ZNF624: variants seen among roughly 807,000 people sequenced by gnomAD.
ZNF624 encodes the protein zinc finger protein 624.
Under a neutral mutation model 74.7 loss-of-function variants are expected in ZNF624, and 43 were observed. That is an observed-to-expected ratio of 0.58 (90% CI 0.45 to 0.74). ZNF624 has a LOEUF of 0.74. Ranked by LOEUF, ZNF624 falls within the 30% of genes least tolerant of loss-of-function variation. The pLI, the probability that ZNF624 is intolerant of heterozygous loss-of-function variation, is 0.00. For synonymous variants in ZNF624, 331 were observed against 341.3 expected (o/e 0.97, Z 0.33); for missense variants, 820 against 1,030.0 (o/e 0.80, Z 2.79).
chr17:16,650,515 A>C (rs1909699606), intron 1 of ZNF624, among the ~76,000 whole-genome samples: 1 of 152,110 alleles, frequency 6.6e-6, no homozygotes, highest in South Asian at 2.1e-4. Flanking sequence ...ATACCTAATA[A>C]AAGTTTTATC....
At chr17:16,616,840 G>A (rs1189401399), downstream of ZNF624, 3 of 1,155,818 alleles carry the variant, frequency 2.6e-6, no homozygotes, top group African/African-American at 3.1e-5. Context: ...CAACAAGAGA[G>A]TTCTGAGTTA....
At chr17:16,624,621 T>C (rs1003781777) in intron 5 of ZNF624, 112 bp from the exon 6 acceptor site, 21 of 1,021,406 alleles carry the variant, frequency 2.1e-5, no homozygotes, top group Non-Finnish European at 1.5e-5. Flanking sequence ...TGGTTTTAAT[T>C]GCTTTCACAC....
At chr17:16,617,112 G>A (rs1199474835), downstream of ZNF624, 8 of 1,612,914 alleles carry the variant, frequency 5.0e-6, no homozygotes, top group African/African-American at 1.3e-5. Flanking sequence ...AATGTGAATG[G>A]GAGCCCCGAT....
At chr17:16,631,787 A>G (rs896645072) in intron 5 of ZNF624, 1 of 152,228 alleles carries the variant, frequency 6.6e-6, no homozygotes, top group Non-Finnish European at 1.5e-5. Context: ...CAAAATAAAG[A>G]AAACACAAAA....
chr17:16,623,967 T>C lies in ZNF624; in HGVS notation c.919A>G (p.Asn307Asp). The C allele has an allele frequency of 1.2e-6, 2 of 1,613,996 alleles. No individual in the cohort carries two copies. Among genetic ancestry groups the C allele is most frequent in the Non-Finnish European group, 1.7e-6 (2 of 1,180,012 alleles). The change falls in exon 6 of 6, where the codon AAT becomes GAT. Residue 307 changes from asparagine (N) to aspartate (D), a missense_variant. Coordinates refer to ENST00000311331, the MANE Select transcript of ZNF624 (RefSeq NM_020787.4). The surrounding 1 kb of genome is among the most constrained non-coding windows in gnomAD (Gnocchi z 5.3). ...THTKEKPYEC[N>D]ECGKTFSQPS... is the part of the protein sequence containing the mutation. ...TGGCTGAATGTTTTCCCACATTCAT[T>C]ACATTCATAAGGTTTTTCTTTAGTA...
chr17:16,617,388 T>A (rs1276627206), downstream of ZNF624: 1 of 1,613,346 alleles, frequency 6.2e-7, no homozygotes, highest in Non-Finnish European at 8.5e-7. Flanking sequence ...TGCCATCCAG[T>A]TTGTCCAAAG....
chr17:16,616,037 C>G (rs1255682767), downstream of ZNF624, among the ~76,000 whole-genome samples: 1 of 140,356 alleles, frequency 7.1e-6, no homozygotes, highest in African/African-American at 2.6e-5. Context: ...TGGCAACAAT[C>G]AGAAAATGAA....
intron 3 of ZNF624, among the ~76,000 whole-genome samples, chr17:16,636,543 C>A (rs959377046): frequency 6.6e-6 from 1 of 152,140 alleles, no homozygotes; most frequent in African/African-American, 2.4e-5. Context: ...TTTTAAAAAT[C>A]AAAAATCTCA....
At chr17:16,617,720 C>T, downstream of ZNF624, 1 of 1,604,306 alleles carries the variant, frequency 6.2e-7, no homozygotes, top group Non-Finnish European at 8.5e-7. Context: ...CGCTGTTCAG[C>T]TCGTAAAGGG....
At chr17:16,640,830 A>C (rs1002577826) in intron 3 of ZNF624, among the ~76,000 whole-genome samples, 2 of 152,208 alleles carry the variant, frequency 1.3e-5, no homozygotes, top group Non-Finnish European at 2.9e-5. Flanking sequence ...TCTTCCAAAA[A>C]ATGGAAGGGA....
chr17:16,617,701 A>C (rs1274353011), downstream of ZNF624: 1 of 1,604,876 alleles, frequency 6.2e-7, no homozygotes, highest in Non-Finnish European at 8.5e-7. Context: ...CGCTCGCCGC[A>C]GAGCTCCTCG....
intron 5 of ZNF624, among the ~76,000 whole-genome samples, chr17:16,628,057 C>T (rs1049272900): frequency 1.3e-5 from 2 of 152,036 alleles, no homozygotes; most frequent in Non-Finnish European, 2.9e-5. Context: ...GCCAGGAGTT[C>T]GAGACCAGAC....
At chr17:16,632,145 A>AT (rs1206161158) in intron 5 of ZNF624, among the ~76,000 whole-genome samples, 2 of 152,194 alleles carry the variant, frequency 1.3e-5, no homozygotes, top group East Asian at 1.9e-4. Context: ...GGCAGCTATC[A>AT]TAATAGTGGC....
intron 3 of ZNF624, among the ~76,000 whole-genome samples, chr17:16,644,008 A>G (rs1332207247): frequency 6.6e-6 from 1 of 151,986 alleles, no homozygotes; most frequent in Non-Finnish European, 1.5e-5. Context: ...TTCTCCCTCT[A>G]TTATTAGTAG....
chr17:16,639,903 C>T (rs564901030), intron 3 of ZNF624, among the ~76,000 whole-genome samples: 1 of 151,926 alleles, frequency 6.6e-6, no homozygotes, highest in Non-Finnish European at 1.5e-5. Context: ...ATAAGACACA[C>T]AAAGAAACAC....
chr17:16,628,365 A>G (rs1909123778), intron 5 of ZNF624, among the ~76,000 whole-genome samples: 1 of 152,202 alleles, frequency 6.6e-6, no homozygotes, highest in South Asian at 2.1e-4. Flanking sequence ...AAATGAATCC[A>G]AATAATTGAG....
chr17:16,616,845 G>C, downstream of ZNF624: 1 of 1,190,882 alleles, frequency 8.4e-7, no homozygotes, highest in South Asian at 1.5e-5. Context: ...AGAGAGTTCT[G>C]AGTTAATCCC....
At chr17:16,647,558 A>G (rs1004310100) in intron 2 of ZNF624, among the ~76,000 whole-genome samples, 164 bp from the exon 3 acceptor site, 10 of 152,322 alleles carry the variant, frequency 6.6e-5, no homozygotes, top group African/African-American at 2.4e-4. Flanking sequence ...ACATGCAATC[A>G]TAATCTTTCA....
Position 16,622,931 on chromosome 17 carries a change from T to G in ZNF624, c.1955A>C (p.Lys652Thr). Residue 652 changes from lysine (K) to threonine (T), a missense_variant, in exon 6 of 6, where the codon AAA becomes ACA. By Grantham distance (78) the Lys-to-Thr change is moderately conservative. Transcript: ENST00000311331. The stretch of plus-strand genomic sequence containing the variant: ...CCTCTGATGTACAATAAGGTATGAT[T>G]TAGTCCTAAAGGACTTTCCACAGTC... ...CYDCGKSFRT[K>T]SYLIVHQRTH... 1 of 1,614,084 alleles carries G rather than the reference T, an allele frequency of 6.2e-7. No individual in the cohort carries two copies. Among genetic ancestry groups the G allele is most frequent in the Non-Finnish European group, 8.5e-7 (1 of 1,179,970 alleles).
Sources: gnomAD v4.1 joint callset for allele counts (sites outside exome capture counted in the v4.1 genomes callset) on GRCh38, gnomAD v4.1.1 for gene constraint, Gnocchi (gnomAD v3.1) non-coding constraint, MANE v1.5 for transcripts, NCBI Gene and HGNC (gene_info 2026-07-23, HGNC 2026-07-21) for gene names.